Variants in TRIM44 observed in about 807,000 individuals in gnomAD.
TRIM44 encodes tripartite motif containing 44.
A neutral mutation model predicts 37.4 loss-of-function variants in TRIM44; 13 were observed. The ratio of observed to expected loss-of-function variants is 0.35; its 90% CI spans 0.23 to 0.55. The LOEUF (loss-of-function observed/expected upper bound fraction) is 0.55. TRIM44 is among the 20% of genes least tolerant of loss of function. TRIM44 has a pLI of 0.89. For synonymous variants in TRIM44, 175 were observed against 157.2 expected, an observed-to-expected ratio of 1.11 and a Z score of -0.85; for missense variants, 426 against 437.2, an observed-to-expected ratio of 0.97 and a Z score of 0.23.
chr11:35,785,228 G>A (rs1272131070), intron 4 of TRIM44, among the ~76,000 whole-genome samples: 3 of 152,194 alleles, frequency 2.0e-5, no homozygotes, highest in African/African-American at 7.2e-5. Flanking sequence ...AATGTTTGCT[G>A]TATCACCTAA....
intron 4 of TRIM44, among the ~76,000 whole-genome samples, chr11:35,794,149 C>A (rs1158576990): frequency 6.6e-6 from 1 of 152,148 alleles, no homozygotes; most frequent in African/African-American, 2.4e-5. Context: ...CCCAGCTCTC[C>A]CACTTCTGGA....
intron 4 of TRIM44, among the ~76,000 whole-genome samples, chr11:35,740,553 A>G (rs1852383806): frequency 6.6e-6 from 1 of 152,098 alleles, no homozygotes; most frequent in African/African-American, 2.4e-5. Flanking sequence ...TCAGGCAAAA[A>G]GCTCCTGCTG....
chr11:35,791,684 C>G (rs934282863), intron 4 of TRIM44, among the ~76,000 whole-genome samples: 2 of 152,194 alleles, frequency 1.3e-5, no homozygotes, highest in African/African-American at 2.4e-5. Context: ...GGCATACCCC[C>G]CGCTCCTTGC....
chr11:35,803,002 G>T (rs1853389985), intron 4 of TRIM44, among the ~76,000 whole-genome samples: 2 of 152,142 alleles, frequency 1.3e-5, no homozygotes, highest in Non-Finnish European at 2.9e-5. Context: ...AAGGAAGGTG[G>T]GTTGAGGAAG....
chr11:35,800,519 T>C (rs1314636301), intron 4 of TRIM44, among the ~76,000 whole-genome samples: 1 of 152,184 alleles, frequency 6.6e-6, no homozygotes, highest in Non-Finnish European at 1.5e-5. Flanking sequence ...GAGCACTGAT[T>C]GGTGCGTTTT....
chr11:35,759,000 G>A (rs540302228), intron 4 of TRIM44, among the ~76,000 whole-genome samples: 2 of 152,280 alleles, frequency 1.3e-5, no homozygotes, highest in African/African-American at 2.4e-5. Flanking sequence ...TTCTCAAGGA[G>A]TATCTTTGTG....
intron 4 of TRIM44, among the ~76,000 whole-genome samples, chr11:35,745,325 T>C (rs577229431): frequency 6.6e-6 from 1 of 152,358 alleles, no homozygotes; most frequent in South Asian, 2.1e-4. Context: ...GTATGTCTTC[T>C]TTGGAGAAGG....
At chr11:35,694,535 A>G (rs897957053) in intron 2 of TRIM44, among the ~76,000 whole-genome samples, 4 of 151,344 alleles carry the variant, frequency 2.6e-5, no homozygotes, top group Non-Finnish European at 5.9e-5. Flanking sequence ...AAGTGCACAC[A>G]ACAGACCCCC....
intron 1 of TRIM44, among the ~76,000 whole-genome samples, chr11:35,676,087 C>G (rs1564943200): frequency 6.6e-6 from 1 of 152,146 alleles, no homozygotes; most frequent in Non-Finnish European, 1.5e-5. Context: ...CACCTACTAG[C>G]TGTATAATGT....
chr11:35,797,260 T>C (rs1853305745), intron 4 of TRIM44, among the ~76,000 whole-genome samples: 1 of 152,188 alleles, frequency 6.6e-6, no homozygotes, highest in Admixed American at 6.5e-5. Flanking sequence ...TATTGGATTA[T>C]AACCCAAAGA....
At chr11:35,764,326 A>G (rs1439503082) in intron 4 of TRIM44, among the ~76,000 whole-genome samples, 1 of 152,156 alleles carries the variant, frequency 6.6e-6, no homozygotes, top group African/African-American at 2.4e-5. Flanking sequence ...GCAGATTAGG[A>G]TGGAATTGCC....
chr11:35,669,004 C>G (rs1005603949), intron 1 of TRIM44, among the ~76,000 whole-genome samples: 8 of 151,970 alleles, frequency 5.3e-5, no homozygotes, highest in Admixed American at 1.3e-4. Flanking sequence ...TCTGATAATT[C>G]TAGTATGTGA....
chr11:35,710,605 G>A (rs1356094131), intron 2 of TRIM44, among the ~76,000 whole-genome samples: 3 of 152,182 alleles, frequency 2.0e-5, no homozygotes. Context: ...GTAAACAAAG[G>A]TAAAGTTTAT....
chr11:35,732,747 T>C (rs1051791365), intron 3 of TRIM44, among the ~76,000 whole-genome samples: 10 of 152,132 alleles, frequency 6.6e-5, no homozygotes, highest in Admixed American at 2.6e-4. Flanking sequence ...ATTAGCTAGG[T>C]TTTTAGAATA....
intron 4 of TRIM44, among the ~76,000 whole-genome samples, chr11:35,792,038 A>G (rs941156634): frequency 2.8e-4 from 42 of 149,044 alleles, no homozygotes; most frequent in African/African-American, 8.4e-4. Flanking sequence ...TAAGAGGTAG[A>G]TCTTAATACC....
intron 2 of TRIM44, among the ~76,000 whole-genome samples, chr11:35,723,397 A>C (rs1419575336): frequency 6.6e-6 from 1 of 152,222 alleles, no homozygotes; most frequent in Non-Finnish European, 1.5e-5. Context: ...CCCTAATGCA[A>C]CTATAACAAA....
chr11:35,691,203 T>C (rs1851632752), intron 2 of TRIM44, among the ~76,000 whole-genome samples: 1 of 152,228 alleles, frequency 6.6e-6, no homozygotes, highest in Non-Finnish European at 1.5e-5. Flanking sequence ...TTGACCCGAT[T>C]AGTGAAGGAC....
chr11:35,702,928 C>T (rs920676816), intron 2 of TRIM44, among the ~76,000 whole-genome samples: 2 of 152,330 alleles, frequency 1.3e-5, no homozygotes, highest in African/African-American at 4.8e-5. Flanking sequence ...TGCAGCGCAC[C>T]ATGCACGAGC....
chr11:35,685,434 T>G, intron 2 of TRIM44, 98 bp downstream of exon 2: 1 of 989,618 alleles, frequency 1.0e-6, no homozygotes, highest in Non-Finnish European at 1.6e-6. Context: ...TCTCTGAATA[T>G]TGCATTAAGA....
Sources: allele counts gnomAD v4.1 joint callset (sites outside exome capture counted in the v4.1 genomes callset), GRCh38; gene constraint gnomAD v4.1.1; transcripts MANE v1.5; gene names NCBI Gene and HGNC (gene_info 2026-07-23, HGNC 2026-07-21).